Variants in MSR1 observed in about 807,000 individuals in gnomAD.
MSR1 encodes macrophage scavenger receptor 1.
MSR1 carries 53 observed loss-of-function variants against 47.2 expected under a neutral mutation model. The observed-to-expected ratio is 1.12, with a 90% CI of 0.90 to 1.41. MSR1 has a LOEUF of 1.41. MSR1 is among the 40% of genes most tolerant of loss of function. The probability of loss-of-function intolerance (pLI) is 0.00; values close to 1 mark genes in which losing one functional copy is unlikely to be tolerated. For synonymous variants in MSR1, 239 were observed against 185.6 expected, an observed-to-expected ratio of 1.29 and a Z score of -2.34; for missense variants, 786 against 546.9, an observed-to-expected ratio of 1.44 and a Z score of -4.36.
rs1216548082 is a variant in MSR1, at chr8:16,108,431, C to T, written c.*1654G>A. On this transcript the variant is annotated 3_prime_UTR_variant, in exon 10 of 10. Coordinates refer to ENST00000262101, the MANE Select transcript of MSR1 (RefSeq NM_138715.3). ...AGTAAATCAGCATACATATACCATA[C>T]AGCAATACAGTATTAACAACCCAGA... 6.6e-6 allele frequency: 1 copy of T among 151,898 alleles called. No homozygotes were observed. The highest frequency in any genetic ancestry group is 1.5e-5 in the Non-Finnish European group (1 of 67,958). 9.4% of individuals were successfully genotyped at this position (151,898 alleles called of 1,614,324 possible).
chr8:16,160,565 A>G (rs1408941303), intron 5 of MSR1, among the ~76,000 whole-genome samples: 1 of 152,042 alleles, frequency 6.6e-6, no homozygotes. Context: ...TGTAGAGATG[A>G]CATGATTTCA....
At chr8:16,152,163 A>T (rs1400300139) in intron 6 of MSR1, among the ~76,000 whole-genome samples, 1 of 152,110 alleles carries the variant, frequency 6.6e-6, no homozygotes, top group Non-Finnish European at 1.5e-5. Flanking sequence ...ATTTAGTTTT[A>T]TTAAATGATA....
chr8:16,120,044 C>A (rs937118157), intron 9 of MSR1, among the ~76,000 whole-genome samples: 1 of 151,896 alleles, frequency 6.6e-6, no homozygotes, highest in Non-Finnish European at 1.5e-5. Context: ...CTACTTTATT[C>A]TCTGTCTTTA....
chr8:16,189,695 T>A (rs1802135206), intron 1 of MSR1, among the ~76,000 whole-genome samples: 1 of 7,414 alleles, frequency 1.3e-4, no homozygotes, highest in Non-Finnish European at 2.7e-4. Context: ...TATATATATT[T>A]TATATATATA....
chr8:16,150,336 G>T (rs1800821959), intron 6 of MSR1, 25 bp from the exon 7 acceptor site: 4 of 1,418,682 alleles, frequency 2.8e-6, no homozygotes, highest in East Asian at 2.4e-5. Flanking sequence ...AAGAAAAAAA[G>T]AAGGTAATAA....
At chr8:16,140,772 T>C (rs1800534597) in intron 8 of MSR1, 1 of 1,446,174 alleles carries the variant, frequency 6.9e-7, no homozygotes, top group Non-Finnish European at 9.1e-7. Context: ...AGAGAGGTGA[T>C]GGTGGAGTAA....
intron 1 of MSR1, among the ~76,000 whole-genome samples, chr8:16,185,130 C>T (rs1010137394): frequency 7.3e-5 from 10 of 137,402 alleles, no homozygotes; most frequent in African/African-American, 2.2e-4. Context: ...ATGAACTGCA[C>T]GAAATGTTGG....
rs1223744253 is a variant in MSR1, at chr8:16,139,520, A to C, written c.1033+4038T>G. 13 of 984,612 alleles carry C rather than the reference A, an allele frequency of 1.3e-5. No homozygotes were observed. The East Asian group carries it at 9.1e-4, about 69-fold the overall frequency. The allele number at this position is 984,612 out of a possible 1,614,324, so 61.0% of individuals were successfully genotyped here. ...TATGAATCTTGGGTCTGTGTGTTAA[A>C]ACGTAAAGGAAAGAAGAGTTGTGAA... On this transcript the variant is annotated intron_variant, in intron 8 of 9. Coordinates refer to ENST00000262101, the MANE Select transcript of MSR1 (RefSeq NM_138715.3).
chr8:16,151,056 T>G (rs1800844729), intron 6 of MSR1, among the ~76,000 whole-genome samples: 1 of 152,082 alleles, frequency 6.6e-6, no homozygotes. Flanking sequence ...AATAAAATAT[T>G]TTATCCTAGA....
rs866539106 is a variant in MSR1 at position 16,168,523 on chromosome 8, C to T, written c.565G>A (p.Asp189Asn). The T allele has an allele frequency of 6.2e-7, 1 of 1,614,004 alleles. No homozygotes were observed. The highest frequency in any genetic ancestry group is 8.5e-7 in the Non-Finnish European group (1 of 1,180,012). Reference protein sequence around the residue: ...SLISLNTTLLDLQLNIENLNG... With the variant: ...SLISLNTTLLNLQLNIENLNG... Reference sequence around the variant, plus strand: ...AGATTTTCTATGTTGAGCTGCAAATCAAGCAATGTGGTATTCAAACTTATT... The same window carrying T: ...AGATTTTCTATGTTGAGCTGCAAATTAAGCAATGTGGTATTCAAACTTATT... The change falls in exon 4 of 10, where the codon GAT becomes AAT. Residue 189 changes from aspartate to asparagine, a missense_variant. By Grantham distance (23) the Asp-to-Asn change is conservative. Coordinates refer to ENST00000262101, the MANE Select transcript of MSR1 (RefSeq NM_138715.3).
chr8:16,159,424 G>T (rs2117156596), intron 5 of MSR1, among the ~76,000 whole-genome samples: 1 of 151,588 alleles, frequency 6.6e-6, no homozygotes, highest in African/African-American at 2.4e-5. Context: ...GTTCTTTAAG[G>T]CTCTAATTAT....
Position 16,147,675 on chromosome 8 carries a change from G to A in MSR1, c.979+2556C>T, listed in dbSNP as rs182261419. Among the ~76,000 whole-genome samples, 126 of 152,222 alleles carry A rather than the reference G, an allele frequency of 8.3e-4. 3 individuals carry two copies. Among genetic ancestry groups the A allele is most frequent in the South Asian group, 2.3e-3 (11 of 4,822 alleles). On this transcript the variant is annotated intron_variant, in intron 7 of 9. Coordinates refer to ENST00000262101, the MANE Select transcript of MSR1 (RefSeq NM_138715.3). ...AGCACCTTCTTCAGACTCTTGTAGA[G>A]GAGAGACTGTACTGTTCCTTCTTTT...
chr8:16,140,288 A>C, intron 8 of MSR1: 1 of 985,030 alleles, frequency 1.0e-6, no homozygotes, highest in Non-Finnish European at 1.2e-6. Context: ...AAAACAAGAA[A>C]AAGAAAAAAA....
intron 3 of MSR1, among the ~76,000 whole-genome samples, chr8:16,170,520 G>A (rs1251426332): frequency 2.0e-5 from 3 of 152,050 alleles, no homozygotes; most frequent in South Asian, 2.1e-4. Flanking sequence ...TAGATTGGTT[G>A]TATAAGATTT....
chr8:16,119,031 T>A (rs996602145), intron 9 of MSR1, among the ~76,000 whole-genome samples: 1 of 152,102 alleles, frequency 6.6e-6, no homozygotes, highest in Non-Finnish European at 1.5e-5. Flanking sequence ...GCTGTTTATT[T>A]CCTTTGTTTC....
At chr8:16,161,816 T>C (rs1054804696) in intron 5 of MSR1, among the ~76,000 whole-genome samples, 1 of 152,032 alleles carries the variant, frequency 6.6e-6, no homozygotes, top group African/African-American at 2.4e-5. Flanking sequence ...ACTTGATTAT[T>C]AGGCTTCTTA....
rs1799963695 is a variant in MSR1, at chr8:16,120,140, T to G, written c.1222+278A>C. Among the ~76,000 whole-genome samples the G allele has an allele frequency of 2.0e-5, 3 of 151,864 alleles. No individual in the cohort carries two copies. The South Asian group carries it at 6.2e-4, about 32-fold the overall frequency. Reference sequence around the variant, plus strand: ...CGCCTGTAATCCCAGCACTTTAGGTTGGCGAGGCGGGCAGATCACGAGGTC... The same window carrying G: ...CGCCTGTAATCCCAGCACTTTAGGTGGGCGAGGCGGGCAGATCACGAGGTC... On this transcript the variant is annotated intron_variant, in intron 9 of 9. Coordinates refer to ENST00000262101, the MANE Select transcript of MSR1 (RefSeq NM_138715.3).
intron 8 of MSR1, among the ~76,000 whole-genome samples, chr8:16,134,693 G>A (rs757555568): frequency 6.6e-6 from 1 of 152,142 alleles, no homozygotes; most frequent in Admixed American, 6.5e-5. Flanking sequence ...ATAAACCTTA[G>A]TGAGAAAGGC....
chr8:16,189,915 CT>C lies in MSR1; in HGVS notation c.-5+2682del, dbSNP rs760309231. Among the ~76,000 whole-genome samples the C allele has an allele frequency of 2.9e-3, 349 of 119,100 alleles. 2 individuals are homozygous for C. Among genetic ancestry groups the C allele is most frequent in the Middle Eastern group, 0.015 (3 of 198 alleles). The allele number at this position is 119,100 out of a possible 152,430, so 78.1% of individuals were successfully genotyped here. A position where few individuals can be genotyped will look rare whatever the true frequency, so the allele number is the denominator to read the frequency against. On this transcript the variant is annotated intron_variant, in intron 1 of 9. Transcript: ENST00000262101. The stretch of plus-strand genomic sequence containing the variant: ...TAAATAATGATGTTATAAATATTTC[CT>C]TTTTTTTTTTTTTTTTGAGATTGAG...
Sources: allele counts gnomAD v4.1 joint callset (sites outside exome capture counted in the v4.1 genomes callset), GRCh38; gene constraint gnomAD v4.1.1; transcripts MANE v1.5; gene names NCBI Gene and HGNC (gene_info 2026-07-23, HGNC 2026-07-21).